The following TMEM132D variants were observed in gnomAD, a reference collection of about 807,000 sequenced individuals.
The protein encoded by TMEM132D is transmembrane protein 132D.
TMEM132D carries 21 observed loss-of-function variants against 62.3 expected under a neutral mutation model. That is an observed-to-expected ratio of 0.34 (90% confidence interval 0.24 to 0.49). The LOEUF (loss-of-function observed/expected upper bound fraction) is 0.49, where lower values mean the gene tolerates loss of function less well. Ranked by LOEUF, TMEM132D falls within the 20% of genes least tolerant of loss-of-function variation. The probability of loss-of-function intolerance (pLI) is 0.99; values close to 1 mark genes in which losing one functional copy is unlikely to be tolerated. For synonymous variants in TMEM132D, 621 were observed against 575.6 expected (o/e 1.08, Z -1.13); for missense variants, 1,346 against 1,402.8 (o/e 0.96, Z 0.65).
At chr12:129,372,306 C>G (rs530013607) in intron 3 of TMEM132D, among the ~76,000 whole-genome samples, 1 of 152,204 alleles carries the variant, frequency 6.6e-6, no homozygotes, top group Non-Finnish European at 1.5e-5. Context: ...GCACCATGGG[C>G]CAGAACCAGT....
At chr12:129,643,728 G>T (rs1329053923) in intron 2 of TMEM132D, among the ~76,000 whole-genome samples, 1 of 152,268 alleles carries the variant, frequency 6.6e-6, no homozygotes, top group East Asian at 1.9e-4. Context: ...AGGCTCATCA[G>T]AAACTCAAAA....
chr12:129,436,071 G>A (rs1872778329), intron 3 of TMEM132D, among the ~76,000 whole-genome samples: 1 of 152,110 alleles, frequency 6.6e-6, no homozygotes, highest in Non-Finnish European at 1.5e-5. Context: ...CTTTCTTCCT[G>A]TCTGAAGTGC....
intron 3 of TMEM132D, among the ~76,000 whole-genome samples, chr12:129,422,095 T>TAAAAA (rs10633587): frequency 0.034 from 4,683 of 139,430 alleles, 127 homozygotes; most frequent in African/African-American, 0.06. Context: ...ACAGCAATGT[T>TAAAAA]AAAAAAAAAA....
chr12:129,308,764 C>T (rs1412592751), intron 4 of TMEM132D, among the ~76,000 whole-genome samples: 1 of 152,002 alleles, frequency 6.6e-6, no homozygotes, highest in African/African-American at 2.4e-5. Flanking sequence ...CATAATTCAG[C>T]CAATTTTGGG....
intron 3 of TMEM132D, among the ~76,000 whole-genome samples, chr12:129,444,148 T>C (rs747072747): frequency 1.3e-5 from 2 of 151,938 alleles, no homozygotes; most frequent in African/African-American, 4.8e-5. Flanking sequence ...AACCCACAAC[T>C]ATAAAAACCC....
At chr12:129,592,435 C>T (rs265637) in intron 2 of TMEM132D, among the ~76,000 whole-genome samples, 103,870 of 151,834 alleles carry the variant, frequency 0.68, 35,826 homozygotes, top group East Asian at 0.82. Flanking sequence ...GATAATCCAA[C>T]TGGTCTATAG....
intron 2 of TMEM132D, among the ~76,000 whole-genome samples, chr12:129,532,394 T>C (rs1876255347): frequency 6.6e-6 from 1 of 152,154 alleles, no homozygotes; most frequent in African/African-American, 2.4e-5. Context: ...GAGGAGAAAG[T>C]GAGACCATCT....
rs1447439211 is a variant in TMEM132D, at chr12:129,893,566, T to G, written c.79+9695A>C. On this transcript the variant is annotated intron_variant, in intron 1 of 8. Coordinates refer to ENST00000422113, the MANE Select transcript of TMEM132D (RefSeq NM_133448.3). The stretch of plus-strand genomic sequence containing the variant: ...AAGTCATCGCTTTTCCAAGTCAAAC[T>G]CATGGAGTTTCTTCAATATTACTTG... Among the ~76,000 whole-genome samples the G allele has an allele frequency of 2.6e-5, 4 of 152,174 alleles. No homozygotes were observed. The East Asian group carries it at 7.7e-4, about 29-fold the overall frequency.
intron 2 of TMEM132D, among the ~76,000 whole-genome samples, chr12:129,641,666 C>T (rs1166153489): frequency 6.6e-6 from 1 of 152,182 alleles, no homozygotes; most frequent in African/African-American, 2.4e-5. Flanking sequence ...CTGTTCAGTG[C>T]ATCTGCTCTG....
chr12:129,481,204 G>T (rs987598651), intron 3 of TMEM132D, among the ~76,000 whole-genome samples: 1 of 152,070 alleles, frequency 6.6e-6, no homozygotes, highest in African/African-American at 2.4e-5. Context: ...GAAAAAATCT[G>T]CTGGGCACGG....
intron 4 of TMEM132D, among the ~76,000 whole-genome samples, chr12:129,248,377 C>A (rs924756478): frequency 6.6e-6 from 1 of 152,204 alleles, no homozygotes; most frequent in Non-Finnish European, 1.5e-5. Context: ...AGTAAAATAT[C>A]CGAAAAGTAA....
At chr12:129,140,267 A>G (rs1876701394) in intron 5 of TMEM132D, among the ~76,000 whole-genome samples, 1 of 151,608 alleles carries the variant, frequency 6.6e-6, no homozygotes, top group African/African-American at 2.4e-5. Flanking sequence ...GAAGAGGAAT[A>G]TGTTAATTTG....
chr12:129,381,503 C>T (rs10847850), intron 3 of TMEM132D, among the ~76,000 whole-genome samples: 64,524 of 151,950 alleles, frequency 0.42, 14,080 homozygotes, highest in Middle Eastern at 0.49. Context: ...AGAGAGCCTA[C>T]TGCCATCTCA....
chr12:129,625,226 G>C (rs1314895422), intron 2 of TMEM132D, among the ~76,000 whole-genome samples: 1 of 151,948 alleles, frequency 6.6e-6, no homozygotes, highest in Non-Finnish European at 1.5e-5. Flanking sequence ...ATTTTTAAGA[G>C]GTCTCTACAT....
intron 5 of TMEM132D, among the ~76,000 whole-genome samples, chr12:129,181,073 C>T (rs1042873551): frequency 6.6e-6 from 1 of 151,990 alleles, no homozygotes; most frequent in Non-Finnish European, 1.5e-5. Flanking sequence ...ACTCAGGAGT[C>T]GCTGTGAAGA....
intron 6 of TMEM132D, among the ~76,000 whole-genome samples, chr12:129,083,661 T>A (rs1481885745): frequency 6.6e-6 from 1 of 152,212 alleles, no homozygotes; most frequent in African/African-American, 2.4e-5. Context: ...CTCCCTCAGA[T>A]AAGCCCCAAT....
At chr12:129,781,360 T>C (rs568965192) in intron 1 of TMEM132D, among the ~76,000 whole-genome samples, 4 of 152,278 alleles carry the variant, frequency 2.6e-5, no homozygotes, top group African/African-American at 9.6e-5. Flanking sequence ...GATGGTCAGG[T>C]ATGAGACATG....
At chr12:129,455,439 C>T (rs1205827597) in intron 3 of TMEM132D, among the ~76,000 whole-genome samples, 1 of 152,166 alleles carries the variant, frequency 6.6e-6, no homozygotes, top group African/African-American at 2.4e-5. Flanking sequence ...GATAGAGTTA[C>T]TCTTTTAAAA....
Position 129,283,723 on chromosome 12 carries a change from A to G in TMEM132D, c.1299+53911T>C, listed in dbSNP as rs563395865. Among the ~76,000 whole-genome samples, 9 of 152,344 alleles carry G rather than the reference A, an allele frequency of 5.9e-5. No homozygotes were observed. In the South Asian group the frequency reaches 1.9e-3, roughly 32 times the overall value. The stretch of plus-strand genomic sequence containing the variant: ...CCTATACTCCAACACTCTCAGGCCG[A>G]TACACAAGATGAGAATGTCCACTGC... On this transcript the variant is annotated intron_variant, in intron 4 of 8. Coordinates refer to ENST00000422113, the MANE Select transcript of TMEM132D (RefSeq NM_133448.3).
Sources: allele counts gnomAD v4.1 joint callset (sites outside exome capture counted in the v4.1 genomes callset), GRCh38; gene constraint gnomAD v4.1.1; transcripts MANE v1.5; gene names NCBI Gene and HGNC (gene_info 2026-07-23, HGNC 2026-07-21).